The following TAF15 variants were observed in gnomAD, a reference collection of about 807,000 sequenced individuals.
TAF15 encodes the protein TATA-box binding protein associated factor 15, also known as TATA-binding protein-associated factor 2N.
A neutral mutation model predicts 102.5 loss-of-function variants in TAF15; 37 were observed. The observed-to-expected ratio is 0.36, with a 90% CI of 0.28 to 0.47. The LOEUF (loss-of-function observed/expected upper bound fraction) is 0.47. TAF15 is among the 20% of genes least tolerant of loss of function. The pLI, the probability that TAF15 is intolerant of heterozygous loss-of-function variation, is 0.99. For missense variants in TAF15, 652 were observed against 760.7 expected (o/e 0.86, Z 1.68); for synonymous variants, 273 against 259.2 (o/e 1.05, Z -0.51).
At position 35,844,747 on chromosome 17, in the gene TAF15, G is replaced by A. The variant is rs758278376; in HGVS notation, c.1448G>A (p.Arg483Gln). The A allele has an allele frequency of 3.0e-5, 49 of 1,611,322 alleles. No homozygotes were observed. The highest frequency in any genetic ancestry group is 2.3e-5 in the Non-Finnish European group (27 of 1,178,880). ...GDRGGGYGGD[R>Q]GGYGGDRGGG... ...CGAGGAGGTGGCTATGGAGGAGATC[G>A]AGGTGGCTATGGAGGAGACCGAGGT... is the stretch of plus-strand genomic sequence containing the variant. Residue 483 changes from arginine (R) to glutamine (Q), a missense_variant, in exon 15 of 16, where the codon CGA becomes CAA. Coordinates refer to ENST00000605844, the MANE Select transcript of TAF15 (RefSeq NM_139215.3).
At chr17:35,810,263 C>T (rs1197695218) in intron 1 of TAF15, 1 of 157,134 alleles carries the variant, frequency 6.4e-6, no homozygotes, top group Non-Finnish European at 1.4e-5. Flanking sequence ...TGAGCCTTGT[C>T]TATCTATTAT....
chr17:35,822,925 G>C, intron 6 of TAF15, 92 bp downstream of exon 6: 1 of 1,505,964 alleles, frequency 6.6e-7, no homozygotes, highest in South Asian at 1.1e-5. Context: ...GATTTCACCT[G>C]TTTGTAAAAA....
Position 35,809,558 on chromosome 17 carries a change from C to G in TAF15, c.-12C>G, listed in dbSNP as rs780553592. 3.1e-6 allele frequency: 5 copies of G among 1,613,186 alleles called. No homozygotes were observed. In the Admixed American group the frequency reaches 5.0e-5, roughly 16 times the overall value. ...GGCGGGCTGTGGGGCCTCCGCGCCGCGGCCGTTAGTCATGTCGGGTAGGTG... is the reference window on the plus strand; with the variant it reads ...GGCGGGCTGTGGGGCCTCCGCGCCGGGGCCGTTAGTCATGTCGGGTAGGTG... On this transcript the variant is annotated 5_prime_UTR_variant, in exon 1 of 16. Coordinates refer to ENST00000605844, the MANE Select transcript of TAF15 (RefSeq NM_139215.3).
In TAF15 at chr17:35,839,679, G is replaced by A. The variant is rs2087520437; in HGVS notation, c.913+1126G>A. 7.2e-5 allele frequency among the ~76,000 whole-genome samples: 11 copies of A among 152,058 alleles called. No homozygotes were observed. In the South Asian group the frequency reaches 2.3e-3, roughly 32 times the overall value. On this transcript the variant is annotated intron_variant, in intron 11 of 15. Transcript: ENST00000605844. ...TTACAGGCGTGAGCCACCGCACCCG[G>A]CCGAGATGCTTTTTTTAACAGAAAG...
intron 7 of TAF15, chr17:35,830,424 C>T (rs992078791): frequency 4.6e-5 from 7 of 151,892 alleles, no homozygotes; most frequent in Non-Finnish European, 7.4e-5. Flanking sequence ...TCTGCTTTTT[C>T]TGGGAATTAA....
intron 5 of TAF15, 53 bp from the exon 6 acceptor site, chr17:35,822,587 A>G: frequency 6.4e-7 from 1 of 1,562,480 alleles, no homozygotes; most frequent in Admixed American, 1.8e-5. Flanking sequence ...CCAACTTGCT[A>G]CAGCAAATGT....
intron 7 of TAF15, among the ~76,000 whole-genome samples, chr17:35,831,014 C>G (rs952746921): frequency 1.3e-5 from 2 of 152,138 alleles, no homozygotes; most frequent in East Asian, 3.9e-4. Context: ...TTCTTGAAGA[C>G]TAGTTCTTTT....
Position 35,844,770 on chromosome 17 carries a change from G to C in TAF15, c.1471G>C (p.Gly491Arg). The C allele has an allele frequency of 6.2e-7, 1 of 1,612,404 alleles. No individual in the cohort carries two copies. The highest frequency in any genetic ancestry group is 8.5e-7 in the Non-Finnish European group (1 of 1,179,216). Reference protein sequence around the residue: ...GDRGGYGGDRGGGYGGDRGGY... With the variant: ...GDRGGYGGDRRGGYGGDRGGY... ...TCGAGGTGGCTATGGAGGAGACCGA[G>C]GTGGAGGCTATGGTGGAGACCGAGG... The change falls in exon 15 of 16, where the codon GGT (glycine) becomes CGT (arginine). Residue 491 changes from glycine (G) to arginine (R), a missense_variant. Coordinates refer to ENST00000605844, the MANE Select transcript of TAF15 (RefSeq NM_139215.3).
rs1319542376 is a variant in TAF15, at chr17:35,844,800, T to C, written c.1501T>C (p.Tyr501His). The C allele has an allele frequency of 6.3e-7, 1 of 1,597,942 alleles. No individual in the cohort carries two copies. Among genetic ancestry groups the C allele is most frequent in the Non-Finnish European group, 8.5e-7 (1 of 1,169,594 alleles). The change falls in exon 15 of 16, where the codon TAT (tyrosine) becomes CAT (histidine). Residue 501 changes from tyrosine (Y) to histidine (H), a missense_variant. This residue lies in a region of TAF15 where 368 missense variants were observed against 367.5 expected (regional missense o/e 1.00). Transcript: ENST00000605844. The part of the protein sequence containing the change: ...GGGYGGDRGG[Y>H]GGDRGGYGGD... ...AGGCTATGGTGGAGACCGAGGAGGCTATGGAGGAGATCGAGGAGGTTACGG... is the reference window on the plus strand; with the variant it reads ...AGGCTATGGTGGAGACCGAGGAGGCCATGGAGGAGATCGAGGAGGTTACGG...
At chr17:35,842,628 C>T (rs1042227304) in intron 12 of TAF15, among the ~76,000 whole-genome samples, 169 bp downstream of exon 12, 12 of 152,024 alleles carry the variant, frequency 7.9e-5, no homozygotes, top group Non-Finnish European at 1.5e-5. Flanking sequence ...AATGAGATAT[C>T]GTAATAGCTA....
At chr17:35,833,097 C>A (rs1224487161) in intron 7 of TAF15, among the ~76,000 whole-genome samples, 1 of 151,574 alleles carries the variant, frequency 6.6e-6, no homozygotes, top group East Asian at 1.9e-4. Flanking sequence ...GTGGAGGTTG[C>A]AGTGAGCCAA....
rs1473945638 is a variant in TAF15 at position 35,845,052 on chromosome 17, T to C, written c.1739+14T>C. The stretch of plus-strand genomic sequence containing the variant: ...AATGGGAGGAAGGTGAGTATTAGAA[T>C]GTGTTTATTAACCTTTTTACCTCAC... On this transcript the variant is annotated intron_variant, in intron 15 of 15. Coordinates refer to ENST00000605844, the MANE Select transcript of TAF15 (RefSeq NM_139215.3). The C allele has an allele frequency of 6.2e-7, 1 of 1,613,740 alleles. No individual in the cohort carries two copies. Among genetic ancestry groups the C allele is most frequent in the Non-Finnish European group, 8.5e-7 (1 of 1,179,972 alleles).
At chr17:35,824,000 A>G in intron 6 of TAF15, 78 bp from the exon 7 acceptor site, 2 of 1,589,566 alleles carry the variant, frequency 1.3e-6, no homozygotes, top group East Asian at 2.2e-5. Context: ...TGTGTGGCCT[A>G]AAGAGCCATT....
chr17:35,838,055 T>TG (rs1158647452), intron 10 of TAF15, among the ~76,000 whole-genome samples: 7 of 151,582 alleles, frequency 4.6e-5, no homozygotes, highest in Non-Finnish European at 7.4e-5. Flanking sequence ...TGGTGGCACT[T>TG]GCTTGTAGTC....
chr17:35,840,177 C>T (rs2087526857), intron 11 of TAF15, among the ~76,000 whole-genome samples: 1 of 151,680 alleles, frequency 6.6e-6, no homozygotes, highest in South Asian at 2.1e-4. Flanking sequence ...GATTGACAAA[C>T]ACTTGCAGTT....
intron 1 of TAF15, chr17:35,811,286 G>C (rs2087121333): frequency 6.6e-6 from 1 of 152,146 alleles, no homozygotes; most frequent in African/African-American, 2.4e-5. Flanking sequence ...ATATAAGCTG[G>C]CTTAATCATT....
intron 2 of TAF15, among the ~76,000 whole-genome samples, chr17:35,818,169 C>G (rs542480625): frequency 6.6e-6 from 1 of 152,060 alleles, no homozygotes; most frequent in South Asian, 2.1e-4. Flanking sequence ...GATCTCGGGT[C>G]GCTGCAAGCT....
Position 35,842,439 on chromosome 17 carries a change from G to T in TAF15, c.986G>T (p.Gly329Val), listed in dbSNP as rs772312208. The change falls in exon 12 of 16, where the codon GGA becomes GTA. Residue 329 changes from glycine (G) to valine (V), a missense_variant. This residue lies in a region of TAF15 where 368 missense variants were observed against 367.5 expected (regional missense o/e 1.00). Transcript: ENST00000605844. ...TRRPEFMRGGGSGGGRRGRGG... is the reference protein window; with the variant it reads ...TRRPEFMRGGVSGGGRRGRGG... ...AGACCTGAATTCATGAGAGGAGGTG[G>T]AAGTGGAGGTGGGCGGCGAGGTAAG... is the stretch of plus-strand genomic sequence containing the variant. 1.2e-5 allele frequency: 19 copies of T among 1,613,952 alleles called. No homozygotes were observed. Among genetic ancestry groups the T allele is most frequent in the Middle Eastern group, 1.6e-4 (1 of 6,084 alleles).
At chr17:35,817,414 A>C in intron 1 of TAF15, 1 of 350,954 alleles carries the variant, frequency 2.8e-6, no homozygotes, top group East Asian at 6.1e-5. Context: ...CTTTTTGTAT[A>C]TAATAATATT....
Sources: gnomAD v4.1 joint callset for allele counts (sites outside exome capture counted in the v4.1 genomes callset) on GRCh38, gnomAD v4.1.1 for gene constraint, gnomAD v4.1.1 regional missense constraint, MANE v1.5 for transcripts, NCBI Gene and HGNC (gene_info 2026-07-23, HGNC 2026-07-21) for gene names.